Variants in CDH8 observed in about 807,000 individuals in gnomAD.
CDH8 encodes the protein cadherin-8.
In CDH8, 17 loss-of-function variants were observed where a neutral mutation model predicts 68.1. That is an observed-to-expected ratio of 0.25 (90% confidence interval 0.17 to 0.37). CDH8 has a LOEUF of 0.37. Among genes scored for constraint, CDH8 ranks in the 10% least tolerant of loss-of-function variants. The pLI is 1.00. For synonymous variants in CDH8, 372 were observed against 365.1 expected, an observed-to-expected ratio of 1.02 and a Z score of -0.21; for missense variants, 763 against 999.3, an observed-to-expected ratio of 0.76 and a Z score of 3.19.
chr16:61,914,253 T>G (rs934759683), intron 2 of CDH8, among the ~76,000 whole-genome samples: 4 of 152,212 alleles, frequency 2.6e-5, no homozygotes, highest in African/African-American at 4.8e-5. Flanking sequence ...TCACCCAGTC[T>G]GTGGCATTTT....
rs138049097 is a variant in CDH8, at chr16:61,931,135, A to C, written c.253-29662T>G. ...TAACAATATATCACTTAAAACGAAA[A>C]AGTTGAAATCATGAGGACCTTTTGT... On this transcript the variant is annotated intron_variant, in intron 2 of 11. Coordinates refer to ENST00000577390, the MANE Select transcript of CDH8 (RefSeq NM_001796.5). 7.9e-5 allele frequency among the ~76,000 whole-genome samples: 12 copies of C among 152,256 alleles called. No homozygotes were observed. In the East Asian group the frequency reaches 2.3e-3, roughly 29 times the overall value.
Position 61,894,319 on chromosome 16 carries a change from G to T in CDH8, c.547+6860C>A, listed in dbSNP as rs557809480. On this transcript the variant is annotated intron_variant, in intron 3 of 11. Coordinates refer to ENST00000577390, the MANE Select transcript of CDH8 (RefSeq NM_001796.5). ...GTGAAAGTCATAAGTGAAGAAGACT[G>T]CAGAGCCCTTCCAGATTGAATAAGT... 2.0e-5 allele frequency among the ~76,000 whole-genome samples: 3 copies of T among 152,266 alleles called. No homozygotes were observed. In the East Asian group the frequency reaches 5.8e-4, roughly 29 times the overall value.
rs1302151805 is a variant in CDH8, at chr16:61,655,591, C to T, written c.1785G>A (p.Arg595=). 4 of 1,614,012 alleles carry T rather than the reference C, an allele frequency of 2.5e-6. No individual in the cohort carries two copies. The African/African-American group carries it at 4.0e-5, about 16-fold the overall frequency. ...CACCGTCATTGCTGCAGCCACAGAC[C>T]CTGATTGTCAAGGTGCTAGTGCTGC... ...PLSSTSTLTI[R]VCGCSNDGVV... The change falls in exon 11 of 12, where the codon AGG becomes AGA. Residue 595 remains arginine (R), a synonymous_variant. Coordinates refer to ENST00000577390, the MANE Select transcript of CDH8 (RefSeq NM_001796.5).
intron 2 of CDH8, among the ~76,000 whole-genome samples, chr16:61,977,411 T>C (rs1256943243): frequency 6.6e-6 from 1 of 152,178 alleles, no homozygotes; most frequent in Non-Finnish European, 1.5e-5. Context: ...CAAAGACTTC[T>C]TCCCAACAAA....
intron 1 of CDH8, among the ~76,000 whole-genome samples, chr16:62,022,453 A>T (rs1052774467): frequency 6.6e-6 from 1 of 152,196 alleles, no homozygotes; most frequent in African/African-American, 2.4e-5. Context: ...GAAGAGATTC[A>T]GAAAGGCAAG....
At chr16:61,763,498 A>G (rs1960516868) in intron 8 of CDH8, among the ~76,000 whole-genome samples, 1 of 152,150 alleles carries the variant, frequency 6.6e-6, no homozygotes, top group African/African-American at 2.4e-5. Context: ...CAGAATGCAC[A>G]CTAACCGTAA....
In CDH8 at chr16:61,647,322, C is replaced by G. The variant is rs1348275721; in HGVS notation, c.*6286G>C. 6.6e-6 allele frequency: 1 copy of G among 151,730 alleles called. No individual in the cohort carries two copies. The highest frequency in any genetic ancestry group is 1.5e-5 in the Non-Finnish European group (1 of 67,884). The allele number at this position is 151,730 out of a possible 1,614,324, so 9.4% of individuals were successfully genotyped here. On this transcript the variant is annotated 3_prime_UTR_variant, in exon 12 of 12. Coordinates refer to ENST00000577390, the MANE Select transcript of CDH8 (RefSeq NM_001796.5). Reference sequence around the variant, plus strand: ...TAATTATTATTTATAAATTTTGGCTCTAACATTGAGCCAAAAACATCCATT... The same window carrying G: ...TAATTATTATTTATAAATTTTGGCTGTAACATTGAGCCAAAAACATCCATT...
At chr16:61,671,252 G>A (rs779845135) in intron 10 of CDH8, among the ~76,000 whole-genome samples, 1 of 151,960 alleles carries the variant, frequency 6.6e-6, no homozygotes, top group Non-Finnish European at 1.5e-5. Context: ...TGTTGTTGGC[G>A]TAAAGATCTT....
intron 2 of CDH8, among the ~76,000 whole-genome samples, chr16:61,949,438 A>G (rs1015532134): frequency 3.3e-5 from 5 of 152,138 alleles, no homozygotes; most frequent in Non-Finnish European, 7.4e-5. Context: ...TGGCCACCCC[A>G]GCCAGCAGCA....
intron 3 of CDH8, among the ~76,000 whole-genome samples, chr16:61,857,813 A>C (rs750054730): frequency 1.3e-5 from 2 of 152,070 alleles, no homozygotes; most frequent in Admixed American, 6.6e-5. Context: ...TTATTCACTC[A>C]TTCATTCAAC....
chr16:61,726,528 T>C (rs1240862901), intron 9 of CDH8: 1 of 150,920 alleles, frequency 6.6e-6, no homozygotes, highest in African/African-American at 2.4e-5. Context: ...TTTTTTCTGT[T>C]TTCATTGACC....
intron 10 of CDH8, among the ~76,000 whole-genome samples, chr16:61,660,513 G>C (rs929488669): frequency 6.6e-6 from 1 of 151,726 alleles, no homozygotes; most frequent in African/African-American, 2.4e-5. Context: ...AGTGTACTAG[G>C]GGAAGAGAAG....
At chr16:61,714,717 T>G (rs1255810074) in intron 9 of CDH8, among the ~76,000 whole-genome samples, 1 of 151,640 alleles carries the variant, frequency 6.6e-6, no homozygotes, top group African/African-American at 2.4e-5. Context: ...AATTTGTATT[T>G]ATGATTCTGT....
chr16:61,983,580 CTT>C (rs1965574416), intron 2 of CDH8, among the ~76,000 whole-genome samples: 1 of 152,170 alleles, frequency 6.6e-6, no homozygotes, highest in African/African-American at 2.4e-5. Context: ...TAAGAATTCA[CTT>C]TATACGGCAT....
chr16:62,012,341 T>A (rs1037084099), intron 2 of CDH8, among the ~76,000 whole-genome samples: 15 of 152,180 alleles, frequency 9.9e-5, no homozygotes, highest in Admixed American at 9.8e-4. Context: ...TATTCCATAG[T>A]TATGGAACTT....
At chr16:62,016,664 T>C (rs1217156631) in intron 2 of CDH8, among the ~76,000 whole-genome samples, 2 of 152,222 alleles carry the variant, frequency 1.3e-5, no homozygotes, top group Admixed American at 6.5e-5. Flanking sequence ...GAATGCTCAA[T>C]GTTTATGTGT....
At chr16:61,807,387 G>A (rs1961814936) in intron 7 of CDH8, among the ~76,000 whole-genome samples, 1 of 151,222 alleles carries the variant, frequency 6.6e-6, no homozygotes, top group African/African-American at 2.4e-5. Context: ...ACAAGTTAGT[G>A]GGTGCAGCGC....
intron 2 of CDH8, among the ~76,000 whole-genome samples, chr16:62,002,752 CTG>C (rs1965911903): frequency 6.6e-6 from 1 of 152,132 alleles, no homozygotes; most frequent in South Asian, 2.1e-4. Flanking sequence ...CTCACTGTCA[CTG>C]TGCTTAAAAA....
chr16:61,647,759 T>A lies in CDH8; in HGVS notation c.*5849A>T. ...CAGAAGAAATCCCAAGAAATTAACA[T>A]TTGGCTTTGGTGACCTCTCATTTCC... On this transcript the variant is annotated 3_prime_UTR_variant, in exon 12 of 12. Transcript: ENST00000577390. 1.4e-6 allele frequency: 1 copy of A among 697,208 alleles called. No homozygotes were observed. The highest frequency in any genetic ancestry group is 2.6e-6 in the Non-Finnish European group (1 of 381,718). The allele number at this position is 697,208 out of a possible 1,614,324, so 43.2% of individuals were successfully genotyped here. A position where few individuals can be genotyped will look rare whatever the true frequency, so the allele number is the denominator to read the frequency against.
Sources: gnomAD v4.1 joint callset for allele counts (sites outside exome capture counted in the v4.1 genomes callset) on GRCh38, gnomAD v4.1.1 for gene constraint, MANE v1.5 for transcripts, NCBI Gene and HGNC (gene_info 2026-07-23, HGNC 2026-07-21) for gene names.